Variants in ST6GALNAC3 observed in about 807,000 individuals in gnomAD.
ST6GALNAC3 encodes alpha-N-acetylgalactosaminide alpha-2,6-sialyltransferase 3.
Under a neutral mutation model 32.7 loss-of-function variants are expected in ST6GALNAC3, and 25 were observed. The ratio of observed to expected loss-of-function variants is 0.76; its 90% CI spans 0.56 to 1.07. The LOEUF (loss-of-function observed/expected upper bound fraction) is 1.07. Ranked by LOEUF, ST6GALNAC3 falls within the 50% of genes least tolerant of loss-of-function variation. The pLI, the probability that ST6GALNAC3 is intolerant of heterozygous loss-of-function variation, is 0.00. For missense variants in ST6GALNAC3, 355 were observed against 382.4 expected (o/e 0.93, Z 0.60); for synonymous variants, 129 against 133.1 (o/e 0.97, Z 0.21).
At chr1:76,472,712 A>G (rs1659111592) in intron 3 of ST6GALNAC3, among the ~76,000 whole-genome samples, 1 of 152,154 alleles carries the variant, frequency 6.6e-6, no homozygotes, top group Non-Finnish European at 1.5e-5. Flanking sequence ...GCTTAGAACA[A>G]TGCCAGTTTC....
At chr1:76,294,002 G>A (rs1224649615) in intron 1 of ST6GALNAC3, among the ~76,000 whole-genome samples, 1 of 152,140 alleles carries the variant, frequency 6.6e-6, no homozygotes, top group East Asian at 1.9e-4. Flanking sequence ...ACCGTTTGTG[G>A]AGCATGTAGA....
At chr1:76,555,982 C>CA (rs556396813) in intron 3 of ST6GALNAC3, among the ~76,000 whole-genome samples, 31 of 151,982 alleles carry the variant, frequency 2.0e-4, no homozygotes, top group Non-Finnish European at 4.4e-4. Context: ...AATTTTAGAA[C>CA]ATTTTTATCA....
At chr1:76,305,058 G>A (rs76386943) in intron 1 of ST6GALNAC3, among the ~76,000 whole-genome samples, 3,871 of 152,114 alleles carry the variant, frequency 0.025, 163 homozygotes, top group African/African-American at 0.088. Flanking sequence ...AATGCCCGGC[G>A]CACAGGGGTG....
intron 1 of ST6GALNAC3, among the ~76,000 whole-genome samples, chr1:76,098,989 G>C (rs1468142363): frequency 6.6e-6 from 1 of 151,788 alleles, no homozygotes; most frequent in Non-Finnish European, 1.5e-5. Context: ...CCCCAATATG[G>C]TATCCAATTT....
intron 1 of ST6GALNAC3, among the ~76,000 whole-genome samples, chr1:76,164,418 G>A (rs1366105299): frequency 1.3e-5 from 2 of 152,142 alleles, no homozygotes; most frequent in African/African-American, 4.8e-5. Flanking sequence ...TTTAGTAGAT[G>A]GTAGCTATTA....
At chr1:76,339,726 G>C (rs2100986967) in intron 2 of ST6GALNAC3, among the ~76,000 whole-genome samples, 1 of 152,228 alleles carries the variant, frequency 6.6e-6, no homozygotes, top group African/African-American at 2.4e-5. Context: ...GGAGAGAGCA[G>C]TGGACCACAG....
At chr1:76,428,773 A>G (rs1655560348) in intron 3 of ST6GALNAC3, among the ~76,000 whole-genome samples, 1 of 152,192 alleles carries the variant, frequency 6.6e-6, no homozygotes. Flanking sequence ...GTTTATCTTT[A>G]CATAATGCTA....
chr1:76,259,682 T>C (rs1658114608), intron 1 of ST6GALNAC3, among the ~76,000 whole-genome samples: 1 of 152,202 alleles, frequency 6.6e-6, no homozygotes. Flanking sequence ...TGACCTTTCT[T>C]GAAAATAACC....
At chr1:76,202,268 A>ATGTGTGTGTGTGTG (rs58107501) in intron 1 of ST6GALNAC3, among the ~76,000 whole-genome samples, 15 of 145,330 alleles carry the variant, frequency 1.0e-4, no homozygotes, top group African/African-American at 3.8e-4. Flanking sequence ...GTGTGCATGC[A>ATGTGTGTGTGTGTG]TGTGTGTGTG....
chr1:76,609,590 C>A (rs1261229212), intron 3 of ST6GALNAC3, among the ~76,000 whole-genome samples: 11 of 152,036 alleles, frequency 7.2e-5, no homozygotes, highest in Non-Finnish European at 1.6e-4. Flanking sequence ...ACTTTTTCCA[C>A]AGGCTGGTCC....
At chr1:76,395,479 A>G (rs907276735) in intron 2 of ST6GALNAC3, among the ~76,000 whole-genome samples, 1 of 152,198 alleles carries the variant, frequency 6.6e-6, no homozygotes, top group Non-Finnish European at 1.5e-5. Flanking sequence ...TATCAAAAGT[A>G]TACCTGCATC....
At chr1:76,359,907 T>G (rs1185476434) in intron 2 of ST6GALNAC3, among the ~76,000 whole-genome samples, 2 of 152,126 alleles carry the variant, frequency 1.3e-5, no homozygotes, top group Non-Finnish European at 2.9e-5. Flanking sequence ...ATTTATTGAG[T>G]GATGACTCCC....
At chr1:76,240,521 T>TGTAAGTA (rs1304697478) in intron 1 of ST6GALNAC3, among the ~76,000 whole-genome samples, 1 of 152,200 alleles carries the variant, frequency 6.6e-6, no homozygotes, top group African/African-American at 2.4e-5. Flanking sequence ...GGGTATGGAA[T>TGTAAGTA]GTAAGTAGAA....
At chr1:76,156,525 A>T (rs1252755437) in intron 1 of ST6GALNAC3, among the ~76,000 whole-genome samples, 1 of 150,838 alleles carries the variant, frequency 6.6e-6, no homozygotes, top group African/African-American at 2.4e-5. Flanking sequence ...ATCAAATAGT[A>T]TACTACTAGA....
At chr1:76,517,812 A>AT (rs1256188715) in intron 3 of ST6GALNAC3, among the ~76,000 whole-genome samples, 2 of 151,982 alleles carry the variant, frequency 1.3e-5, no homozygotes, top group Non-Finnish European at 2.9e-5. Context: ...TAAAATTGAG[A>AT]TTTTAAATGT....
intron 1 of ST6GALNAC3, among the ~76,000 whole-genome samples, chr1:76,251,344 A>T (rs914699746): frequency 6.6e-6 from 1 of 152,150 alleles, no homozygotes; most frequent in Non-Finnish European, 1.5e-5. Context: ...ATCATTTTTC[A>T]AAACCACAAA....
intron 3 of ST6GALNAC3, among the ~76,000 whole-genome samples, chr1:76,534,233 G>C (rs1663449634): frequency 6.6e-6 from 1 of 151,978 alleles, no homozygotes; most frequent in South Asian, 2.1e-4. Flanking sequence ...AGTAGAGACA[G>C]GGTTTTACCA....
At chr1:76,437,342 G>T (rs924526075) in intron 3 of ST6GALNAC3, among the ~76,000 whole-genome samples, 1 of 152,010 alleles carries the variant, frequency 6.6e-6, no homozygotes, top group Non-Finnish European at 1.5e-5. Flanking sequence ...GAAACACAGG[G>T]TTCTCAATGT....
At chr1:76,583,920 C>T (rs1028175666) in intron 3 of ST6GALNAC3, among the ~76,000 whole-genome samples, 6 of 152,130 alleles carry the variant, frequency 3.9e-5, no homozygotes, top group African/African-American at 1.4e-4. Flanking sequence ...ACAAAGATCT[C>T]CATATTTTTT....
Sources: gnomAD v4.1 joint callset for allele counts (sites outside exome capture counted in the v4.1 genomes callset) on GRCh38, gnomAD v4.1.1 for gene constraint, MANE v1.5 for transcripts, NCBI Gene and HGNC (gene_info 2026-07-23, HGNC 2026-07-21) for gene names.